The following THADA variants were observed in gnomAD, a reference collection of about 807,000 sequenced individuals.
THADA encodes tRNA (32-2'-O)-methyltransferase regulator THADA.
A neutral mutation model predicts 219.8 loss-of-function variants in THADA; 213 were observed. The ratio of observed to expected loss-of-function variants is 0.97; its 90% confidence interval spans 0.87 to 1.09. The LOEUF (loss-of-function observed/expected upper bound fraction) is 1.09, where lower values mean the gene tolerates loss of function less well. Ranked by LOEUF, THADA falls within the 50% of genes least tolerant of loss-of-function variation. The pLI is 0.00. For missense variants in THADA, 2,956 were observed against 2,311.3 expected, an observed-to-expected ratio of 1.28 and a Z score of -5.72; for synonymous variants, 1,018 against 828.9, an observed-to-expected ratio of 1.23 and a Z score of -3.92.
At chr2:43,511,802 A>T (rs1268672703) in intron 22 of THADA, among the ~76,000 whole-genome samples, 1 of 152,128 alleles carries the variant, frequency 6.6e-6, no homozygotes, top group Non-Finnish European at 1.5e-5. Flanking sequence ...AGCAACTACT[A>T]GGTATTAGGC....
intron 29 of THADA, among the ~76,000 whole-genome samples, chr2:43,372,554 G>A (rs1027639597): frequency 1.3e-5 from 2 of 152,054 alleles, no homozygotes; most frequent in African/African-American, 4.8e-5. Context: ...TGGGAACTTT[G>A]CATTGCAGAG....
intron 36 of THADA, 184 bp from the exon 37 acceptor site, chr2:43,233,066 T>G (rs1344033058): frequency 3.2e-6 from 2 of 631,564 alleles, no homozygotes; most frequent in African/African-American, 3.7e-5. Context: ...CTATTTATAC[T>G]GTTAGAATGA....
Position 43,400,459 on chromosome 2 carries a change from A to T in THADA, c.4059-2320T>A, listed in dbSNP as rs1052031453. On this transcript the variant is annotated intron_variant, in intron 28 of 37. Coordinates refer to ENST00000405975, the MANE Select transcript of THADA (RefSeq NM_022065.5). ...GAAAGATTAGATCATAGACAAATTT[A>T]TATATATATATATATATAAATATAT... 1.3e-4 allele frequency among the ~76,000 whole-genome samples: 18 copies of T among 138,364 alleles called. 1 individual carries two copies. Among genetic ancestry groups the T allele is most frequent in the Admixed American group, 9.9e-4 (14 of 14,170 alleles). The allele number at this position is 138,364 out of a possible 152,430, so 90.8% of individuals were successfully genotyped here.
At chr2:43,510,915 G>T (rs1002751642) in intron 22 of THADA, among the ~76,000 whole-genome samples, 1 of 151,212 alleles carries the variant, frequency 6.6e-6, no homozygotes, top group Non-Finnish European at 1.5e-5. Context: ...AGACTGCAGC[G>T]AGCCAAGATG....
At chr2:43,328,423 G>GT (rs1679579094) in intron 30 of THADA, among the ~76,000 whole-genome samples, 1 of 152,170 alleles carries the variant, frequency 6.6e-6, no homozygotes, top group South Asian at 2.1e-4. Flanking sequence ...CTGGAGCTTT[G>GT]TGAGTGTTTA....
intron 32 of THADA, 109 bp from the exon 33 acceptor site, chr2:43,292,331 G>T (rs983444227): frequency 1.5e-6 from 1 of 679,508 alleles, no homozygotes; most frequent in Non-Finnish European, 2.4e-6. Context: ...CCTTTCAAAA[G>T]GCTCCCACTG....
At chr2:43,452,092 G>A (rs1426187831) in intron 26 of THADA, among the ~76,000 whole-genome samples, 1 of 152,172 alleles carries the variant, frequency 6.6e-6, no homozygotes, top group African/African-American at 2.4e-5. Context: ...TGGTGACAGA[G>A]CGAGACTCCA....
chr2:43,246,516 AAAC>A (rs1309529087), intron 36 of THADA, among the ~76,000 whole-genome samples: 10 of 151,112 alleles, frequency 6.6e-5, no homozygotes, highest in African/African-American at 2.4e-4. Flanking sequence ...ACAAACAAAC[AAAC>A]AAAAAAAAAC....
chr2:43,546,629 CTTCT>C (rs1475143754), intron 20 of THADA, among the ~76,000 whole-genome samples: 20 of 152,048 alleles, frequency 1.3e-4, no homozygotes, highest in Non-Finnish European at 2.2e-4. Flanking sequence ...ATGTAATGGC[CTTCT>C]TTGTCTCTTT....
chr2:43,420,598 C>T (rs923072773), intron 28 of THADA, among the ~76,000 whole-genome samples: 3 of 152,158 alleles, frequency 2.0e-5, no homozygotes, highest in Non-Finnish European at 4.4e-5. Flanking sequence ...AAAAGCTGGT[C>T]CCTACAAGTT....
intron 21 of THADA, among the ~76,000 whole-genome samples, chr2:43,537,985 G>T: frequency 6.6e-6 from 1 of 150,808 alleles, no homozygotes; most frequent in Middle Eastern, 3.4e-3. Context: ...TTTTAAAATA[G>T]CAATTTCTAA....
chr2:43,552,961 T>C (rs1696924212), intron 17 of THADA, among the ~76,000 whole-genome samples: 1 of 152,232 alleles, frequency 6.6e-6, no homozygotes, highest in Non-Finnish European at 1.5e-5. Flanking sequence ...ACTAGTTGCC[T>C]GGACGTCTCA....
At chr2:43,277,951 CTT>C (rs761803232) in intron 36 of THADA, among the ~76,000 whole-genome samples, 25 of 134,402 alleles carry the variant, frequency 1.9e-4, no homozygotes, top group Admixed American at 2.3e-4. Context: ...CAATATTGTT[CTT>C]TTTTTTTTTT....
intron 26 of THADA, among the ~76,000 whole-genome samples, chr2:43,454,180 C>G (rs1196240147): frequency 6.6e-6 from 1 of 152,056 alleles, no homozygotes; most frequent in Non-Finnish European, 1.5e-5. Context: ...TCTTTTCTTC[C>G]CTTTAGTTAT....
intron 26 of THADA, among the ~76,000 whole-genome samples, chr2:43,436,100 C>G (rs533783763): frequency 1.0e-3 from 157 of 152,244 alleles, no homozygotes; most frequent in African/African-American, 3.7e-3. Context: ...TAAAGTGGCC[C>G]ATGAGTACAT....
In THADA at chr2:43,268,402, C is replaced by T. The variant is rs567483739; in HGVS notation, c.5296+11363G>A. 6.6e-5 allele frequency among the ~76,000 whole-genome samples: 10 copies of T among 152,328 alleles called. No homozygotes were observed. In the South Asian group the frequency reaches 1.0e-3, roughly 16 times the overall value. On this transcript the variant is annotated intron_variant, in intron 36 of 37. Coordinates refer to ENST00000405975, the MANE Select transcript of THADA (RefSeq NM_022065.5). ...ATCTCAATGTACACACCCTGCCCCA[C>T]GTGTGCAGAGAAAAACCCTCCCTGT...
Position 43,574,772 on chromosome 2 carries a change from G to T in THADA, c.1293C>A (p.Phe431Leu), listed in dbSNP as rs17031074. 6.2e-7 allele frequency: 1 copy of T among 1,613,976 alleles called. No homozygotes were observed. Among genetic ancestry groups the T allele is most frequent in the Non-Finnish European group, 8.5e-7 (1 of 1,179,894 alleles). Reference sequence around the variant, plus strand: ...ATTCCACAAAGAAAGGATCAGGGACGAAATCTGCACCTTCCACAGTGAGCC... The same window carrying T: ...ATTCCACAAAGAAAGGATCAGGGACTAAATCTGCACCTTCCACAGTGAGCC... ...MHRLTVEGAD[F>L]VPDPFFVELT... The change falls in exon 11 of 38, where the codon TTC (phenylalanine) becomes TTA (leucine). Residue 431 changes from phenylalanine to leucine, a missense_variant. Transcript: ENST00000405975.
intron 26 of THADA, among the ~76,000 whole-genome samples, chr2:43,441,966 C>G (rs1191676628): frequency 6.6e-6 from 1 of 152,180 alleles, no homozygotes; most frequent in Non-Finnish European, 1.5e-5. Flanking sequence ...AAAAGAGAGT[C>G]AGTGCTCTTG....
At chr2:43,279,532 G>A (rs1673096850) in intron 36 of THADA, among the ~76,000 whole-genome samples, 1 of 152,070 alleles carries the variant, frequency 6.6e-6, no homozygotes, top group African/African-American at 2.4e-5. Flanking sequence ...AGCAAACTAC[G>A]GCTAGTAGAT....
Sources: gnomAD v4.1 joint callset for allele counts (sites outside exome capture counted in the v4.1 genomes callset) on GRCh38, gnomAD v4.1.1 for gene constraint, MANE v1.5 for transcripts, NCBI Gene and HGNC (gene_info 2026-07-23, HGNC 2026-07-21) for gene names.